Variants in ZC3H12A observed in about 807,000 individuals in gnomAD.
ZC3H12A encodes the protein zinc finger CCCH-type containing 12A, also known as endoribonuclease ZC3H12A.
Under a neutral mutation model 29.9 loss-of-function variants are expected in ZC3H12A, and 9 were observed. That is an observed-to-expected ratio of 0.30 (90% CI 0.18 to 0.53). The LOEUF (loss-of-function observed/expected upper bound fraction) is 0.53. Ranked by LOEUF, ZC3H12A falls within the 20% of genes least tolerant of loss-of-function variation. The probability of loss-of-function intolerance (pLI) is 0.96; values close to 1 mark genes in which losing one functional copy is unlikely to be tolerated. For missense variants in ZC3H12A, 617 were observed against 799.0 expected, an observed-to-expected ratio of 0.77 and a Z score of 2.75; for synonymous variants, 323 against 338.1, an observed-to-expected ratio of 0.96 and a Z score of 0.49.
Position 37,479,527 on chromosome 1 carries a change from T to C in ZC3H12A, c.444-763T>C. The C allele has an allele frequency of 1.0e-6, 1 of 985,448 alleles. No individual in the cohort carries two copies. The highest frequency in any genetic ancestry group is 1.2e-6 in the Non-Finnish European group (1 of 829,930). 61.0% of individuals were successfully genotyped at this position (985,448 alleles called of 1,614,324 possible). ...TAAGAGTCCCCTAGCATCTTCCTGA[T>C]GGTCTTTCTGCCTTGGGGTGAAGAG... On this transcript the variant is annotated intron_variant, in intron 2 of 5. Transcript: ENST00000373087. This position sits in a 1 kb window ranked among gnomAD's most constrained non-coding sequence, Gnocchi z 4.5.
chr1:37,479,624 G>A lies in ZC3H12A; in HGVS notation c.444-666G>A, dbSNP rs1569922559. 1.0e-6 allele frequency: 1 copy of A among 985,308 alleles called. No homozygotes were observed. The highest frequency in any genetic ancestry group is 1.7e-5 in the African/African-American group (1 of 57,222). The allele number at this position is 985,308 out of a possible 1,614,324, so 61.0% of individuals were successfully genotyped here. A position where few individuals can be genotyped will look rare whatever the true frequency, so the allele number is the denominator to read the frequency against. On this transcript the variant is annotated intron_variant, in intron 2 of 5. Coordinates refer to ENST00000373087, the MANE Select transcript of ZC3H12A (RefSeq NM_025079.3). This position sits in a 1 kb window ranked among gnomAD's most constrained non-coding sequence, Gnocchi z 4.5. ...ACTTTCAGACTGAAAGGCTCCTGGG[G>A]AACTTGCTTCACTCCGGCGCTTTCT... is the stretch of plus-strand genomic sequence containing the variant.
At position 37,475,823 on chromosome 1, in the gene ZC3H12A, C is replaced by T; in HGVS notation, c.327C>T (p.Val109=). Residue 109 remains valine, a synonymous_variant, in exon 2 of 6, where the codon GTC becomes GTT. Coordinates refer to ENST00000373087, the MANE Select transcript of ZC3H12A (RefSeq NM_025079.3). This position sits in a 1 kb window ranked among gnomAD's most constrained non-coding sequence, Gnocchi z 5.2. ...ACCCCTGCCCTCAGCTCCCTCTAGT[C>T]CCGCGGGGTGGTGGCACCCCTAAGG... ...SPDPCPQLPL[V]PRGGGTPKAP... 1.9e-6 allele frequency: 3 copies of T among 1,606,034 alleles called. No homozygotes were observed. The highest frequency in any genetic ancestry group is 2.6e-6 in the Non-Finnish European group (3 of 1,174,680).
chr1:37,482,152 G>A (rs1377258099), intron 4 of ZC3H12A, among the ~76,000 whole-genome samples: 1 of 152,226 alleles, frequency 6.6e-6, no homozygotes, highest in Non-Finnish European at 1.5e-5. Flanking sequence ...CTCTCGAGCA[G>A]AGGCCATGGG....
intron 2 of ZC3H12A, among the ~76,000 whole-genome samples, chr1:37,477,991 G>T (rs1173069223): frequency 3.3e-5 from 5 of 152,192 alleles, no homozygotes; most frequent in Non-Finnish European, 5.9e-5. Context: ...TGCCCTGAGA[G>T]CCCTGGCATC....
Position 37,479,764 on chromosome 1 carries a change from C to T in ZC3H12A, c.444-526C>T, listed in dbSNP as rs1569922812. The T allele has an allele frequency of 5.1e-6, 5 of 985,410 alleles. No homozygotes were observed. Among genetic ancestry groups the T allele is most frequent in the Non-Finnish European group, 6.0e-6 (5 of 829,924 alleles). 61.0% of individuals were successfully genotyped at this position (985,410 alleles called of 1,614,324 possible). A position where few individuals can be genotyped will look rare whatever the true frequency, so the allele number is the denominator to read the frequency against. On this transcript the variant is annotated intron_variant, in intron 2 of 5. Coordinates refer to ENST00000373087, the MANE Select transcript of ZC3H12A (RefSeq NM_025079.3). The surrounding 1 kb of genome is among the most constrained non-coding windows in gnomAD (Gnocchi z 4.5). ...AATCCGGAACAATCTGGTTTCTCCT[C>T]GGTCAGCCCAGCCGGTGCTTCCCCC...
In ZC3H12A at chr1:37,475,640, G is replaced by A. The variant is rs1267639592; in HGVS notation, c.144G>A (p.Leu48=). Residue 48 remains leucine, a synonymous_variant, in exon 2 of 6, where the codon CTG becomes CTA. Transcript: ENST00000373087. This position sits in a 1 kb window ranked among gnomAD's most constrained non-coding sequence, Gnocchi z 5.2. ...CTGAGGAGGCCTCGGCCCTGGAACT[G>A]CAGATGAAGGTGGACTTCTTCCGGA... ...LAAEEASALE[L]QMKVDFFRKL... The A allele has an allele frequency of 1.2e-6, 2 of 1,614,152 alleles. No individual in the cohort carries two copies. The highest frequency in any genetic ancestry group is 1.7e-6 in the Non-Finnish European group (2 of 1,180,042).
rs1641661559 is a variant in ZC3H12A, at chr1:37,479,748, C to G, written c.444-542C>G. 6.1e-6 allele frequency: 6 copies of G among 985,330 alleles called. No homozygotes were observed. The Admixed American group carries it at 1.8e-4, about 30-fold the overall frequency. 61.0% of individuals were successfully genotyped at this position (985,330 alleles called of 1,614,324 possible). A position where few individuals can be genotyped will look rare whatever the true frequency, so the allele number is the denominator to read the frequency against. On this transcript the variant is annotated intron_variant, in intron 2 of 5. Transcript: ENST00000373087. This position sits in a 1 kb window ranked among gnomAD's most constrained non-coding sequence, Gnocchi z 4.5. ...GTGAGGACTGAACTTTAATCCGGAA[C>G]AATCTGGTTTCTCCTCGGTCAGCCC...
chr1:37,483,735 T>G lies in ZC3H12A; in HGVS notation c.*124T>G. 6 of 1,307,050 alleles carry G rather than the reference T, an allele frequency of 4.6e-6. No individual in the cohort carries two copies. Among genetic ancestry groups the G allele is most frequent in the Non-Finnish European group, 6.1e-6 (6 of 978,676 alleles). The allele number at this position is 1,307,050 out of a possible 1,614,324, so 81.0% of individuals were successfully genotyped here. ...CCCAGAGGCTGGACAGAGGGAGGATTCAAGTCGGGAAGGAAACCCACAAAC... is the reference window on the plus strand; with the variant it reads ...CCCAGAGGCTGGACAGAGGGAGGATGCAAGTCGGGAAGGAAACCCACAAAC... On this transcript the variant is annotated 3_prime_UTR_variant, in exon 6 of 6. Coordinates refer to ENST00000373087, the MANE Select transcript of ZC3H12A (RefSeq NM_025079.3).
chr1:37,481,475 A>G, intron 3 of ZC3H12A, 126 bp from the exon 4 acceptor site: 1 of 837,396 alleles, frequency 1.2e-6, no homozygotes, highest in South Asian at 1.6e-5. Flanking sequence ...CAGCAGAGTT[A>G]GTTCTTGCCC....
Position 37,483,066 on chromosome 1 carries a change from G to T in ZC3H12A, c.1255G>T (p.Asp419Tyr). Reference sequence around the variant, plus strand: ...CAGTGGCAGCAGCTTTGGGCCCACAGACTGGCTCCCACAGACGCTGGACTC... The same window carrying T: ...CAGTGGCAGCAGCTTTGGGCCCACATACTGGCTCCCACAGACGCTGGACTC... ...GGSGSSFGPT[D>Y]WLPQTLDSLP... The change falls in exon 6 of 6, where the codon GAC (aspartate) becomes TAC (tyrosine). Residue 419 changes from aspartate (D) to tyrosine (Y), a missense_variant. Physicochemically the swap from Asp to Tyr is radical, Grantham distance 160 (BLOSUM62 -3). Transcript: ENST00000373087. The T allele has an allele frequency of 6.2e-7, 1 of 1,609,480 alleles. No homozygotes were observed. The highest frequency in any genetic ancestry group is 8.5e-7 in the Non-Finnish European group (1 of 1,178,288).
In ZC3H12A at chr1:37,476,172, C is replaced by T. The variant is rs963326457; in HGVS notation, c.443+233C>T. 6.6e-6 allele frequency among the ~76,000 whole-genome samples: 1 copy of T among 152,166 alleles called. No individual in the cohort carries two copies. The highest frequency in any genetic ancestry group is 1.5e-5 in the Non-Finnish European group (1 of 68,032). On this transcript the variant is annotated intron_variant, in intron 2 of 5. Coordinates refer to ENST00000373087, the MANE Select transcript of ZC3H12A (RefSeq NM_025079.3). The surrounding 1 kb of genome is among the most constrained non-coding windows in gnomAD (Gnocchi z 6.0). The stretch of plus-strand genomic sequence containing the variant: ...CTCTGTCCGCAGAGCTTACCTTATG[C>T]TGTGGGTCCCTCCCTGAGGCCAGCA...
At chr1:37,480,696 C>T (rs879629381) in intron 3 of ZC3H12A, among the ~76,000 whole-genome samples, 1 of 152,212 alleles carries the variant, frequency 6.6e-6, no homozygotes, top group Admixed American at 6.5e-5. Flanking sequence ...GTGGCAGAAG[C>T]GCAGTATCAC....
At position 37,475,768 on chromosome 1, in the gene ZC3H12A, C is replaced by G. The variant is rs747495424; in HGVS notation, c.272C>G (p.Ala91Gly). ...GGTGAGCTGGTGAAACACGGGACAGCCACCGAGCGGGAGCGCCAGACCTCA... is the reference window on the plus strand; with the variant it reads ...GGTGAGCTGGTGAAACACGGGACAGGCACCGAGCGGGAGCGCCAGACCTCA... ...VLGELVKHGT[A>G]TERERQTSPD... is the part of the protein sequence containing the mutation. Residue 91 changes from alanine (A) to glycine (G), a missense_variant, in exon 2 of 6, where the codon GCC becomes GGC. Around this residue, in one of 5 missense-constraint regions of ZC3H12A, gnomAD observed 255 missense variants for 402.5 expected, o/e 0.63. Transcript: ENST00000373087. This position sits in a 1 kb window ranked among gnomAD's most constrained non-coding sequence, Gnocchi z 5.2. 18 of 1,613,634 alleles carry G rather than the reference C, an allele frequency of 1.1e-5. No homozygotes were observed. Among genetic ancestry groups the G allele is most frequent in the Non-Finnish European group, 1.4e-5 (16 of 1,179,902 alleles).
rs201901997 is a variant in ZC3H12A at position 37,482,964 on chromosome 1, G to T, written c.1153G>T (p.Ala385Ser). The change falls in exon 6 of 6, where the codon GCA becomes TCA. Residue 385 changes from alanine to serine, a missense_variant. Ala to Ser is a moderately conservative substitution (Grantham distance 99). Around this residue, in one of 5 missense-constraint regions of ZC3H12A, gnomAD observed 115 missense variants for 112.5 expected, o/e 1.02. Transcript: ENST00000373087. ...GGATGGGAAGAAGCTGGGGGCCCAG[G>T]CATCCCCAGGGTCCCGCCAAGAGGG... Reference protein sequence around the residue: ...SLDGKKLGAQASPGSRQEGLT... With the variant: ...SLDGKKLGAQSSPGSRQEGLT... 16 of 1,612,560 alleles carry T rather than the reference G, an allele frequency of 9.9e-6. No individual in the cohort carries two copies. The East Asian group carries it at 2.5e-4, about 25-fold the overall frequency.
In ZC3H12A at chr1:37,482,861, C is replaced by G; in HGVS notation, c.1050C>G (p.Ser350Arg). 1 of 1,613,958 alleles carries G rather than the reference C, an allele frequency of 6.2e-7. No homozygotes were observed. The highest frequency in any genetic ancestry group is 8.5e-7 in the Non-Finnish European group (1 of 1,180,028). The change falls in exon 6 of 6, where the codon AGC (serine) becomes AGG (arginine). Residue 350 changes from serine (S) to arginine (R), a missense_variant. Coordinates refer to ENST00000373087, the MANE Select transcript of ZC3H12A (RefSeq NM_025079.3). The part of the protein sequence containing the change: ...NALLSPPRAP[S>R]KDKNGRRPSP... Reference sequence around the variant, plus strand: ...TCCTCTCACCCCCCAGAGCCCCAAGCAAGGACAAAAATGGCCGGCGGCCTT... The same window carrying G: ...TCCTCTCACCCCCCAGAGCCCCAAGGAAGGACAAAAATGGCCGGCGGCCTT...
At position 37,479,137 on chromosome 1, in the gene ZC3H12A, C is replaced by T. The variant is rs151005881; in HGVS notation, c.444-1153C>T. 286 of 985,394 alleles carry T rather than the reference C, an allele frequency of 2.9e-4. 1 individual carries two copies. The East Asian group carries it at 5.8e-3, about 20-fold the overall frequency. 61.0% of individuals were successfully genotyped at this position (985,394 alleles called of 1,614,324 possible). ...TTTATTCTGTTTTATTTGCCAAATA[C>T]GAGAGTCTAAGCTGTTCACTGAGGG... On this transcript the variant is annotated intron_variant, in intron 2 of 5. Transcript: ENST00000373087. The surrounding 1 kb of genome is among the most constrained non-coding windows in gnomAD (Gnocchi z 4.5).
intron 4 of ZC3H12A, 37 bp from the exon 5 acceptor site, chr1:37,482,397 G>T (rs371808278): frequency 3.8e-6 from 6 of 1,559,720 alleles, no homozygotes; most frequent in Non-Finnish European, 5.3e-6. Context: ...TCCCTGCATG[G>T]CTCCCACCTC....
chr1:37,480,126 G>C, intron 2 of ZC3H12A, 164 bp from the exon 3 acceptor site: 1 of 1,348,882 alleles, frequency 7.4e-7, no homozygotes, highest in Non-Finnish European at 9.6e-7. Flanking sequence ...CTGAGCCCTG[G>C]GGAAAGGGGA....
chr1:37,481,187 G>A (rs1242908906), intron 3 of ZC3H12A, among the ~76,000 whole-genome samples: 2 of 152,156 alleles, frequency 1.3e-5, no homozygotes, highest in Non-Finnish European at 2.9e-5. Flanking sequence ...TAGCGACCTT[G>A]TCCTGGCAAT....
Sources: allele counts gnomAD v4.1 joint callset (sites outside exome capture counted in the v4.1 genomes callset), GRCh38; gene constraint gnomAD v4.1.1; regional missense constraint gnomAD v4.1.1; non-coding constraint Gnocchi (gnomAD v3.1); transcripts MANE v1.5; gene names NCBI Gene and HGNC (gene_info 2026-07-23, HGNC 2026-07-21).